DKK2: variants seen among roughly 807,000 people sequenced by gnomAD.
DKK2 encodes the protein dickkopf-related protein 2.
In DKK2, 11 loss-of-function variants were observed where a neutral mutation model predicts 28.1. That is an observed-to-expected ratio of 0.39 (90% CI 0.25 to 0.65). The LOEUF is 0.65. Ranked by LOEUF, DKK2 falls within the 30% of genes least tolerant of loss-of-function variation. The pLI is 0.47. For missense variants in DKK2, 326 were observed against 335.5 expected, an observed-to-expected ratio of 0.97 and a Z score of 0.22; for synonymous variants, 135 against 126.5, an observed-to-expected ratio of 1.07 and a Z score of -0.45.
At chr4:106,997,988 G>C (rs1306100164) in intron 1 of DKK2, among the ~76,000 whole-genome samples, 5 of 152,148 alleles carry the variant, frequency 3.3e-5, no homozygotes, top group African/African-American at 1.2e-4. Context: ...TTAACATCAA[G>C]CTCTTGTTTC....
chr4:107,003,332 A>T (rs1466893349), intron 1 of DKK2, among the ~76,000 whole-genome samples: 2 of 152,012 alleles, frequency 1.3e-5, no homozygotes, highest in African/African-American at 4.8e-5. Flanking sequence ...ACCACTACAA[A>T]CCTCCACCAA....
At position 107,035,682 on chromosome 4, in the gene DKK2, G is replaced by T; in HGVS notation, c.-91C>A. The T allele has an allele frequency of 7.5e-7, 1 of 1,341,496 alleles. No homozygotes were observed. Among genetic ancestry groups the T allele is most frequent in the Non-Finnish European group, 1.0e-6 (1 of 961,626 alleles). 83.1% of individuals were successfully genotyped at this position (1,341,496 alleles called of 1,614,324 possible). A position where few individuals can be genotyped will look rare whatever the true frequency, so the allele number is the denominator to read the frequency against. On this transcript the variant is annotated 5_prime_UTR_variant, in exon 1 of 4. Transcript: ENST00000285311. Reference sequence around the variant, plus strand: ...GACCCCAACACGGGGCCCCTCACTTGGGTCGCGGGGGCTTGCAGATTGTGT... The same window carrying T: ...GACCCCAACACGGGGCCCCTCACTTTGGTCGCGGGGGCTTGCAGATTGTGT...
intron 1 of DKK2, among the ~76,000 whole-genome samples, chr4:106,965,139 G>A (rs1722753076): frequency 6.6e-6 from 1 of 151,916 alleles, no homozygotes; most frequent in Non-Finnish European, 1.5e-5. Context: ...TACTTTTCTT[G>A]TACTCCTACA....
intron 1 of DKK2, among the ~76,000 whole-genome samples, chr4:106,980,339 G>A (rs147039248): frequency 6.6e-6 from 1 of 152,094 alleles, no homozygotes; most frequent in Non-Finnish European, 1.5e-5. Context: ...ATATGCATAT[G>A]TCTATCAATA....
At chr4:106,976,045 C>A (rs988369989) in intron 1 of DKK2, among the ~76,000 whole-genome samples, 1 of 152,052 alleles carries the variant, frequency 6.6e-6, no homozygotes, top group Non-Finnish European at 1.5e-5. Flanking sequence ...TGTAGTTGTG[C>A]GGTTTTGAGT....
At chr4:107,027,851 ACG>A (rs1195447912) in intron 1 of DKK2, among the ~76,000 whole-genome samples, 2 of 149,450 alleles carry the variant, frequency 1.3e-5, no homozygotes, top group Non-Finnish European at 3.0e-5. Flanking sequence ...TCCCGGGTTC[ACG>A]CCATTCTCCT....
intron 1 of DKK2, among the ~76,000 whole-genome samples, chr4:106,935,460 G>T (rs1381574523): frequency 6.6e-6 from 1 of 152,232 alleles, no homozygotes; most frequent in Non-Finnish European, 1.5e-5. Flanking sequence ...GGCTCGGAGG[G>T]TCCTACACCC....
intron 1 of DKK2, among the ~76,000 whole-genome samples, chr4:106,991,848 A>T (rs1223214032): frequency 1.3e-5 from 2 of 152,198 alleles, no homozygotes; most frequent in Non-Finnish European, 2.9e-5. Flanking sequence ...TATTTGGCCT[A>T]CACCATCAGC....
chr4:106,967,957 A>C (rs1722808409), intron 1 of DKK2, among the ~76,000 whole-genome samples: 1 of 72,306 alleles, frequency 1.4e-5, no homozygotes, highest in Non-Finnish European at 2.8e-5. Context: ...GAGAAAACAA[A>C]GAAAGAAAGG....
chr4:106,936,661 T>C (rs928337768), intron 1 of DKK2, among the ~76,000 whole-genome samples: 4 of 152,152 alleles, frequency 2.6e-5, no homozygotes, highest in Admixed American at 6.5e-5. Context: ...AGACACATAA[T>C]TGTCGGATTC....
intron 1 of DKK2, among the ~76,000 whole-genome samples, chr4:106,935,034 G>C (rs901076548): frequency 1.3e-5 from 2 of 151,962 alleles, no homozygotes; most frequent in African/African-American, 2.4e-5. Flanking sequence ...TGAGCAAGAG[G>C]ATTGCTCAAC....
At chr4:106,995,049 A>C (rs1723252540) in intron 1 of DKK2, among the ~76,000 whole-genome samples, 1 of 152,204 alleles carries the variant, frequency 6.6e-6, no homozygotes, top group African/African-American at 2.4e-5. Flanking sequence ...AACCACATAT[A>C]AAACTTGAAC....
At chr4:106,932,661 G>A (rs1366762861) in intron 1 of DKK2, among the ~76,000 whole-genome samples, 1 of 152,044 alleles carries the variant, frequency 6.6e-6, no homozygotes, top group Non-Finnish European at 1.5e-5. Flanking sequence ...CAGCATCTCA[G>A]GTTTTACAGC....
At chr4:107,030,226 T>C (rs563874381) in intron 1 of DKK2, among the ~76,000 whole-genome samples, 14 of 152,234 alleles carry the variant, frequency 9.2e-5, no homozygotes, top group African/African-American at 3.4e-4. Context: ...GAAAGAATGC[T>C]TTATGTTTGT....
rs948464322 is a variant in DKK2 at position 106,991,136 on chromosome 4, T to G, written c.222+44234A>C. On this transcript the variant is annotated intron_variant, in intron 1 of 3. Transcript: ENST00000285311. ...AAATGTTACATTTTATATGAAACAA[T>G]AAGTTTTTATATCAATAATGTAATT... 5.9e-5 allele frequency among the ~76,000 whole-genome samples: 9 copies of G among 152,308 alleles called. 1 individual carries two copies. The highest frequency in any genetic ancestry group is 5.9e-4 in the Admixed American group (9 of 15,294).
chr4:106,969,642 G>A (rs1237764480), intron 1 of DKK2, among the ~76,000 whole-genome samples: 3 of 151,584 alleles, frequency 2.0e-5, no homozygotes, highest in Non-Finnish European at 4.4e-5. Flanking sequence ...GAAAGCTTTT[G>A]ATATTTATTT....
chr4:106,980,290 T>A (rs556116813), intron 1 of DKK2, among the ~76,000 whole-genome samples: 50 of 152,228 alleles, frequency 3.3e-4, no homozygotes, highest in Non-Finnish European at 6.2e-4. Context: ...TTAATTTATA[T>A]CTATAGATAT....
chr4:107,032,976 A>G (rs916566904), intron 1 of DKK2, among the ~76,000 whole-genome samples: 1 of 151,064 alleles, frequency 6.6e-6, no homozygotes, highest in South Asian at 2.1e-4. Context: ...CCACATAACT[A>G]TAGAATAAAA....
At chr4:107,019,008 T>G (rs1405442588) in intron 1 of DKK2, among the ~76,000 whole-genome samples, 3 of 152,062 alleles carry the variant, frequency 2.0e-5, no homozygotes, top group Non-Finnish European at 4.4e-5. Context: ...TTTTATTGTT[T>G]GTTTGTTTTT....
Sources: allele counts gnomAD v4.1 joint callset (sites outside exome capture counted in the v4.1 genomes callset), GRCh38; gene constraint gnomAD v4.1.1; transcripts MANE v1.5; gene names NCBI Gene and HGNC (gene_info 2026-07-23, HGNC 2026-07-21).